Variants in AMTN observed in about 807,000 individuals in gnomAD.
AMTN encodes the protein amelotin.
A neutral mutation model predicts 27.4 loss-of-function variants in AMTN; 29 were observed. The observed-to-expected ratio is 1.06, with a 90% CI of 0.79 to 1.44. AMTN has a LOEUF of 1.44. Ranked by LOEUF, AMTN falls within the 40% of genes most tolerant of loss-of-function variation. AMTN has a pLI of 0.00. For missense variants in AMTN, 247 were observed against 248.8 expected, an observed-to-expected ratio of 0.99 and a Z score of 0.05; for synonymous variants, 86 against 95.7, an observed-to-expected ratio of 0.90 and a Z score of 0.59.
At position 70,525,672 on chromosome 4, in the gene AMTN, GATC is replaced by G. The variant is rs751896218; in HGVS notation, c.294+713_294+715del. 3.8e-4 allele frequency among the ~76,000 whole-genome samples: 58 copies of G among 152,188 alleles called. 1 individual carries two copies. The highest frequency in any genetic ancestry group is 2.0e-4 in the Admixed American group (3 of 15,274). On this transcript the variant is annotated intron_variant, in intron 5 of 8. Coordinates refer to ENST00000339336, the MANE Select transcript of AMTN (RefSeq NM_212557.4). Reference sequence around the variant, plus strand: ...GCACTTTGGAAGGCCAAGGCAGGAGGATCACTTGAGCCCAGGCATTTGAGACCA... The same window carrying G: ...GCACTTTGGAAGGCCAAGGCAGGAGGACTTGAGCCCAGGCATTTGAGACCA...
chr4:70,521,415 G>GA (rs57231726), intron 2 of AMTN, among the ~76,000 whole-genome samples: 27 of 142,644 alleles, frequency 1.9e-4, no homozygotes, highest in African/African-American at 2.8e-4. Context: ...AGAAAGAAAA[G>GA]AAAAAAAATT....
At chr4:70,531,511 T>C (rs1050210771) in intron 8 of AMTN, among the ~76,000 whole-genome samples, 3 of 152,098 alleles carry the variant, frequency 2.0e-5, no homozygotes, top group African/African-American at 4.8e-5. Context: ...AGAATTTGTG[T>C]GAGTGTTTTT....
At position 70,521,640 on chromosome 4, in the gene AMTN, C is replaced by CT. The variant is rs763143860; in HGVS notation, c.55-1079dup. 2.5e-3 allele frequency among the ~76,000 whole-genome samples: 188 copies of CT among 76,470 alleles called. 28 individuals carry two copies. The highest frequency in any genetic ancestry group is 5.8e-3 in the East Asian group (11 of 1,884). 50.2% of individuals were successfully genotyped at this position (76,470 alleles called of 152,430 possible). A position where few individuals can be genotyped will look rare whatever the true frequency, so the allele number is the denominator to read the frequency against. On this transcript the variant is annotated intron_variant, in intron 2 of 8. Transcript: ENST00000339336. ...CCTAGAACAGATAATACCAACCTCTCTTTTTTTTTTTTTTTTTTTTTTTTT... is the reference window on the plus strand; with the variant it reads ...CCTAGAACAGATAATACCAACCTCTCTTTTTTTTTTTTTTTTTTTTTTTTTT...
chr4:70,519,841 A>G (rs750333997), intron 2 of AMTN, among the ~76,000 whole-genome samples: 21 of 152,074 alleles, frequency 1.4e-4, no homozygotes, highest in Non-Finnish European at 2.9e-4. Context: ...GGGTGGGATT[A>G]TGCGGGGGGA....
At chr4:70,528,137 A>C (rs963334299) in intron 5 of AMTN, among the ~76,000 whole-genome samples, 5 of 152,026 alleles carry the variant, frequency 3.3e-5, no homozygotes, top group Non-Finnish European at 7.4e-5. Context: ...CAGTTTGGAG[A>C]CTTCTTGAGA....
Position 70,525,016 on chromosome 4 carries a change from T to C in AMTN, c.294+55T>C, listed in dbSNP as rs1419964836. The stretch of plus-strand genomic sequence containing the variant: ...ACATTAGAGAGCATTTTCTCTCAGG[T>C]GAAAGCCTACAGTAGAAATTTTTTA... On this transcript the variant is annotated intron_variant, in intron 5 of 8. Transcript: ENST00000339336. 14 of 1,531,568 alleles carry C rather than the reference T, an allele frequency of 9.1e-6. No homozygotes were observed. The South Asian group carries it at 1.5e-4, about 17-fold the overall frequency. The allele number at this position is 1,531,568 out of a possible 1,614,324, so 94.9% of individuals were successfully genotyped here.
At chr4:70,520,747 G>C (rs1282691720) in intron 2 of AMTN, among the ~76,000 whole-genome samples, 3 of 152,138 alleles carry the variant, frequency 2.0e-5, no homozygotes, top group Admixed American at 6.5e-5. Flanking sequence ...CCCAGAGCAG[G>C]GTGAGATGGA....
chr4:70,527,063 C>T (rs1230355224), intron 5 of AMTN, among the ~76,000 whole-genome samples: 1 of 152,172 alleles, frequency 6.6e-6, no homozygotes, highest in Non-Finnish European at 1.5e-5. Flanking sequence ...CAGCTCTACA[C>T]TTATTACTTA....
chr4:70,529,628 C>T (rs757756842), intron 7 of AMTN, among the ~76,000 whole-genome samples: 3 of 152,052 alleles, frequency 2.0e-5, no homozygotes, highest in Non-Finnish European at 2.9e-5. Flanking sequence ...CTTTTTCCAG[C>T]GTCAGATAGT....
rs770752683 is a variant in AMTN at position 70,523,839 on chromosome 4, T to C, written c.139-29T>C. On this transcript the variant is annotated intron_variant, in intron 3 of 8. Coordinates refer to ENST00000339336, the MANE Select transcript of AMTN (RefSeq NM_212557.4). ...AGTAAGGGAAGCAGACAACCTCTTG[T>C]CTCATACATCACTTTCAATCCCCTG... 7.5e-6 allele frequency: 12 copies of C among 1,598,244 alleles called. No homozygotes were observed. The African/African-American group carries it at 1.2e-4, about 16-fold the overall frequency.
chr4:70,522,754 G>A lies in AMTN; in HGVS notation c.55-1G>A, dbSNP rs748991501. Reference sequence around the variant, plus strand: ...CAAATATGTATTTGTTTTCACAAAAGCAGCTCAAACCTGCTTTGGGACTCC... The same window carrying A: ...CAAATATGTATTTGTTTTCACAAAAACAGCTCAAACCTGCTTTGGGACTCC... On this transcript the variant is annotated splice_acceptor_variant, in intron 2 of 8. Transcript: ENST00000339336. LOFTEE classifies it high-confidence loss of function. 1 of 1,613,926 alleles carries A rather than the reference G, an allele frequency of 6.2e-7. No individual in the cohort carries two copies. The highest frequency in any genetic ancestry group is 8.5e-7 in the Non-Finnish European group (1 of 1,179,856).
chr4:70,527,232 C>T (rs746787718), intron 5 of AMTN, among the ~76,000 whole-genome samples: 3 of 152,132 alleles, frequency 2.0e-5, no homozygotes, highest in Non-Finnish European at 2.9e-5. Flanking sequence ...AGTAAACATG[C>T]GATGTGTTAT....
In AMTN at chr4:70,528,711, T is replaced by G. The variant is rs755981753; in HGVS notation, c.295-12T>G. The G allele has an allele frequency of 6.2e-7, 1 of 1,607,322 alleles. No homozygotes were observed. Among genetic ancestry groups the G allele is most frequent in the African/African-American group, 1.3e-5 (1 of 74,354 alleles). On this transcript the variant is annotated splice_polypyrimidine_tract_variant and intron_variant, in intron 5 of 8. Coordinates refer to ENST00000339336, the MANE Select transcript of AMTN (RefSeq NM_212557.4). The stretch of plus-strand genomic sequence containing the variant: ...GCTTACTTTTGAAAGAGTTTTTCTC[T>G]CATTTTTTCAGGTGTTACCAATTTT...
chr4:70,522,983 CT>C, intron 3 of AMTN, 145 bp downstream of exon 3: 1 of 679,228 alleles, frequency 1.5e-6, no homozygotes, highest in East Asian at 2.9e-5. Flanking sequence ...AAGAGAGAGG[CT>C]TTTCGTTTGG....
rs773143693 is a variant in AMTN, at chr4:70,522,784, C to A, written c.84C>A (p.Pro28=). ...TCAAACCTGCTTTGGGACTCCCTCC[C>A]ACAAAACTGGCTCCGGATCAGGGAA... ...PQLKPALGLP[P]TKLAPDQGTL... The change falls in exon 3 of 9, where the codon CCC becomes CCA. Residue 28 remains proline (P), a synonymous_variant. Coordinates refer to ENST00000339336, the MANE Select transcript of AMTN (RefSeq NM_212557.4). 11 of 1,613,956 alleles carry A rather than the reference C, an allele frequency of 6.8e-6. No homozygotes were observed. The highest frequency in any genetic ancestry group is 9.3e-6 in the Non-Finnish European group (11 of 1,179,940).
Position 70,531,267 on chromosome 4 carries a change from G to A in AMTN, c.586G>A (p.Ala196Thr). 1 of 1,613,954 alleles carries A rather than the reference G, an allele frequency of 6.2e-7. No individual in the cohort carries two copies. The highest frequency in any genetic ancestry group is 8.5e-7 in the Non-Finnish European group (1 of 1,179,892). Reference protein sequence around the residue: ...TPAGIQRSTHAIEEATTESAN... With the variant: ...TPAGIQRSTHTIEEATTESAN... The stretch of plus-strand genomic sequence containing the variant: ...TGCAGGCATCCAAAGGAGCACACAT[G>A]CCATCGAGGAAGCCACCACAGAATC... Residue 196 changes from alanine to threonine, a missense_variant, in exon 8 of 9, where the codon GCC becomes ACC. By Grantham distance (58) the Ala-to-Thr change is moderately conservative. Coordinates refer to ENST00000339336, the MANE Select transcript of AMTN (RefSeq NM_212557.4).
At chr4:70,523,797 A>T in intron 3 of AMTN, 71 bp from the exon 4 acceptor site, 5 of 1,314,822 alleles carry the variant, frequency 3.8e-6, no homozygotes, top group Non-Finnish European at 5.5e-6. Flanking sequence ...TTACATGAGG[A>T]TATCCACCAC....
In AMTN at chr4:70,529,221, TA is replaced by T; in HGVS notation, c.357+16del. 6.5e-7 allele frequency: 1 copy of T among 1,529,986 alleles called. No individual in the cohort carries two copies. The highest frequency in any genetic ancestry group is 8.8e-7 in the Non-Finnish European group (1 of 1,139,100). 94.8% of individuals were successfully genotyped at this position (1,529,986 alleles called of 1,614,324 possible). On this transcript the variant is annotated intron_variant, in intron 7 of 8. Transcript: ENST00000339336. ...AGCTCAGAGGAATTGGTAAAAAAAA[TA>T]AAAATACTATTTCAAATTATTTTCA... is the stretch of plus-strand genomic sequence containing the variant.
intron 6 of AMTN, 87 bp downstream of exon 6, chr4:70,528,845 G>A (rs1736154811): frequency 5.0e-6 from 6 of 1,195,268 alleles, no homozygotes; most frequent in South Asian, 1.5e-5. Context: ...AGATAGTTGT[G>A]AGGTTTCCAA....
Sources: allele counts gnomAD v4.1 joint callset (sites outside exome capture counted in the v4.1 genomes callset), GRCh38; gene constraint gnomAD v4.1.1; transcripts MANE v1.5; gene names NCBI Gene and HGNC (gene_info 2026-07-23, HGNC 2026-07-21).